ZMIZ1: variants seen among roughly 807,000 people sequenced by gnomAD.
ZMIZ1 encodes zinc finger MIZ domain-containing protein 1.
ZMIZ1 carries 17 observed loss-of-function variants against 113.9 expected under a neutral mutation model. The ratio of observed to expected loss-of-function variants is 0.15; its 90% confidence interval spans 0.10 to 0.22. The LOEUF is 0.22. ZMIZ1 is among the 10% of genes least tolerant of loss of function. ZMIZ1 has a pLI of 1.00. For synonymous variants in ZMIZ1, 607 were observed against 603.1 expected, an observed-to-expected ratio of 1.01 and a Z score of -0.09; for missense variants, 1,059 against 1,477.8, an observed-to-expected ratio of 0.72 and a Z score of 4.65.
intron 4 of ZMIZ1, among the ~76,000 whole-genome samples, chr10:79,200,730 C>T (rs1848039859): frequency 6.6e-6 from 1 of 152,074 alleles, no homozygotes; most frequent in Non-Finnish European, 1.5e-5. Flanking sequence ...TCCAGGAGGG[C>T]AAAGTGAAAA....
At chr10:79,177,968 T>G (rs1846941695) in intron 4 of ZMIZ1, among the ~76,000 whole-genome samples, 1 of 152,188 alleles carries the variant, frequency 6.6e-6, no homozygotes, top group Non-Finnish European at 1.5e-5. Flanking sequence ...TCAGAGTCAT[T>G]CAGTGCTCCT....
chr10:79,084,247 A>G (rs1842740220), intron 1 of ZMIZ1, among the ~76,000 whole-genome samples: 1 of 152,154 alleles, frequency 6.6e-6, no homozygotes, highest in Admixed American at 6.5e-5. Flanking sequence ...TCTCCACTGA[A>G]AATTCTACTC....
Position 79,099,889 on chromosome 10 carries a change from C to T in ZMIZ1, c.-336-19026C>T, listed in dbSNP as rs138109615. On this transcript the variant is annotated intron_variant, in intron 1 of 24. Coordinates refer to ENST00000334512, the MANE Select transcript of ZMIZ1 (RefSeq NM_020338.4). Reference sequence around the variant, plus strand: ...CTGGTTATGGGGGCAGGTAGGAGCACGGTGCTGACATGGTCCTAACCGGTG... The same window carrying T: ...CTGGTTATGGGGGCAGGTAGGAGCATGGTGCTGACATGGTCCTAACCGGTG... Among the ~76,000 whole-genome samples, 37 of 152,194 alleles carry T rather than the reference C, an allele frequency of 2.4e-4. No homozygotes were observed. In the East Asian group the frequency reaches 5.6e-3, roughly 23 times the overall value.
intron 3 of ZMIZ1, among the ~76,000 whole-genome samples, chr10:79,150,752 C>G (rs1488283436): frequency 1.3e-5 from 2 of 152,144 alleles, no homozygotes; most frequent in African/African-American, 4.8e-5. Flanking sequence ...CCCCATCCAC[C>G]CCTGTCTGCC....
At chr10:79,127,790 GTC>G (rs1327094142) in intron 2 of ZMIZ1, among the ~76,000 whole-genome samples, 4 of 152,224 alleles carry the variant, frequency 2.6e-5, no homozygotes, top group East Asian at 1.9e-4. Context: ...GAGGCCACCA[GTC>G]TCTGTCTTCC....
At chr10:79,309,258 C>G (rs1013197034) in intron 23 of ZMIZ1, among the ~76,000 whole-genome samples, 1 of 152,232 alleles carries the variant, frequency 6.6e-6, no homozygotes, top group Non-Finnish European at 1.5e-5. Context: ...GCACCTGCCC[C>G]TCCATGCCGG....
intron 4 of ZMIZ1, among the ~76,000 whole-genome samples, chr10:79,179,812 G>T (rs1456678845): frequency 6.6e-6 from 1 of 152,264 alleles, no homozygotes; most frequent in African/African-American, 2.4e-5. Context: ...AGGCCCACAA[G>T]GGGGCAGAGG....
chr10:79,285,885 A>G (rs1437083549), intron 8 of ZMIZ1, among the ~76,000 whole-genome samples: 2 of 152,216 alleles, frequency 1.3e-5, no homozygotes, highest in African/African-American at 2.4e-5. Context: ...GGCATTTTCA[A>G]GGTGGGATGG....
intron 7 of ZMIZ1, among the ~76,000 whole-genome samples, chr10:79,250,021 G>A (rs1850450857): frequency 6.6e-6 from 1 of 152,178 alleles, no homozygotes; most frequent in Admixed American, 6.5e-5. Flanking sequence ...TGCCTGGCAG[G>A]GTTGCAGTGG....
At chr10:79,224,622 AG>A (rs1849128084) in intron 7 of ZMIZ1, among the ~76,000 whole-genome samples, 1 of 152,190 alleles carries the variant, frequency 6.6e-6, no homozygotes, top group African/African-American at 2.4e-5. Context: ...TTCTGTCACC[AG>A]GGCCCTCAGC....
Position 79,180,981 on chromosome 10 carries a change from T to G in ZMIZ1, c.-50+18848T>G, listed in dbSNP as rs142707722. Among the ~76,000 whole-genome samples, 1,028 of 152,318 alleles carry G rather than the reference T, an allele frequency of 6.7e-3. 13 individuals carry two copies. Among genetic ancestry groups the G allele is most frequent in the African/African-American group, 0.024 (981 of 41,564 alleles). On this transcript the variant is annotated intron_variant, in intron 4 of 24. Transcript: ENST00000334512. ...CCAGCCTCCTCCCACTGCTTTTTTC[T>G]GATGGGGAAACAGAGGCTGAGTGAA...
chr10:79,220,130 T>C (rs1848904507), intron 7 of ZMIZ1, among the ~76,000 whole-genome samples: 1 of 152,224 alleles, frequency 6.6e-6, no homozygotes, highest in South Asian at 2.1e-4. Context: ...CTCTCCAGGC[T>C]GTGGCCTCGT....
intron 2 of ZMIZ1, among the ~76,000 whole-genome samples, chr10:79,127,182 T>A (rs986120775): frequency 6.6e-6 from 1 of 152,186 alleles, no homozygotes; most frequent in Non-Finnish European, 1.5e-5. Flanking sequence ...GCAGAGGAAA[T>A]GCCATGCCAG....
chr10:79,188,438 C>G (rs1272753193), intron 4 of ZMIZ1, among the ~76,000 whole-genome samples: 1 of 152,244 alleles, frequency 6.6e-6, no homozygotes, highest in East Asian at 1.9e-4. Flanking sequence ...CGCCTTCAGG[C>G]AGGCTCGTGG....
chr10:79,305,082 A>C, intron 19 of ZMIZ1, 82 bp from the exon 20 acceptor site: 1 of 1,473,874 alleles, frequency 6.8e-7, no homozygotes, highest in South Asian at 1.1e-5. Flanking sequence ...CTGGTGGGGA[A>C]GTTATTCCAA....
At chr10:79,106,824 A>G (rs1161824741) in intron 1 of ZMIZ1, among the ~76,000 whole-genome samples, 7 of 152,358 alleles carry the variant, frequency 4.6e-5, no homozygotes, top group African/African-American at 1.2e-4. Flanking sequence ...GCGGCAGTCC[A>G]TGTAACACTA....
intron 8 of ZMIZ1, among the ~76,000 whole-genome samples, chr10:79,279,432 T>A (rs984125134): frequency 4.0e-5 from 6 of 150,186 alleles, no homozygotes; most frequent in South Asian, 4.2e-4. Flanking sequence ...CGCTCCTCAC[T>A]TCCTAGACGG....
chr10:79,269,843 C>T (rs56024473), intron 7 of ZMIZ1, among the ~76,000 whole-genome samples: 3,311 of 152,324 alleles, frequency 0.022, 57 homozygotes, highest in Non-Finnish European at 0.032. Context: ...CCAAGTGCAG[C>T]CTGGCGAGGA....
At chr10:79,106,037 G>A (rs1475090867) in intron 1 of ZMIZ1, among the ~76,000 whole-genome samples, 1 of 152,218 alleles carries the variant, frequency 6.6e-6, no homozygotes, top group Non-Finnish European at 1.5e-5. Flanking sequence ...CTAAGACGGT[G>A]GGGCTACAGA....
Sources: gnomAD v4.1 joint callset for allele counts (sites outside exome capture counted in the v4.1 genomes callset) on GRCh38, gnomAD v4.1.1 for gene constraint, MANE v1.5 for transcripts, NCBI Gene and HGNC (gene_info 2026-07-23, HGNC 2026-07-21) for gene names.